Variants in DOCK4 observed in about 807,000 individuals in gnomAD.
DOCK4 encodes the protein dedicator of cytokinesis protein 4.
Under a neutral mutation model 268.1 loss-of-function variants are expected in DOCK4, and 97 were observed. The ratio of observed to expected loss-of-function variants is 0.36; its 90% CI spans 0.31 to 0.43. DOCK4 has a LOEUF of 0.43. Ranked by LOEUF, DOCK4 falls within the 20% of genes least tolerant of loss-of-function variation. The pLI, the probability that DOCK4 is intolerant of heterozygous loss-of-function variation, is 1.00. For missense variants in DOCK4, 2,145 were observed against 2,455.7 expected, an observed-to-expected ratio of 0.87 and a Z score of 2.67; for synonymous variants, 954 against 887.2, an observed-to-expected ratio of 1.08 and a Z score of -1.34.
intron 1 of DOCK4, among the ~76,000 whole-genome samples, chr7:112,147,791 G>A (rs910138818): frequency 3.9e-5 from 5 of 129,624 alleles, no homozygotes; most frequent in Non-Finnish European, 7.9e-5. Flanking sequence ...AGGAGCAAAC[G>A]TAGATTTTTT....
Position 111,728,534 on chromosome 7 carries a change from G to T in DOCK4, c.5668C>A (p.Pro1890Thr), listed in dbSNP as rs776052600. Residue 1890 changes from proline to threonine, a missense_variant, in exon 53 of 53, where the codon CCG becomes ACG. By Grantham distance (38) the Pro-to-Thr change is conservative. Around this residue, in one of 2 missense-constraint regions of DOCK4, gnomAD observed 547 missense variants for 469.0 expected, o/e 1.17. Coordinates refer to ENST00000428084, the MANE Select transcript of DOCK4 (RefSeq NM_001363540.2). Reference protein sequence around the residue: ...EQSAPLPVPVPVPVPSYGGEE... With the variant: ...EQSAPLPVPVTVPVPSYGGEE... ...CCGCCGTAGCTCGGCACGGGCACCG[G>T]CACTGGCACCGGCAGGGGGGCCGAC... 10 of 1,613,608 alleles carry T rather than the reference G, an allele frequency of 6.2e-6. No individual in the cohort carries two copies. Among genetic ancestry groups the T allele is most frequent in the African/African-American group, 2.7e-5 (2 of 74,938 alleles).
intron 1 of DOCK4, among the ~76,000 whole-genome samples, chr7:112,198,966 G>A (rs979033487): frequency 6.6e-6 from 1 of 152,118 alleles, no homozygotes; most frequent in African/African-American, 2.4e-5. Flanking sequence ...CAGACAACAC[G>A]GCAAGGGACA....
At chr7:111,851,958 C>CTT (rs35969396) in intron 23 of DOCK4, among the ~76,000 whole-genome samples, 1,489 of 124,938 alleles carry the variant, frequency 0.012, 30 homozygotes, top group African/African-American at 0.016. Flanking sequence ...TCTCTCCTTC[C>CTT]TTTTTTTTTT....
chr7:111,872,230 C>CA (rs777278720), intron 19 of DOCK4, 39 bp downstream of exon 19: 9 of 1,444,770 alleles, frequency 6.2e-6, no homozygotes, highest in Admixed American at 2.3e-5. Context: ...GATTGAGAGA[C>CA]AAAACAGTTA....
At chr7:112,111,241 C>T (rs796623229) in intron 1 of DOCK4, among the ~76,000 whole-genome samples, 10 of 152,248 alleles carry the variant, frequency 6.6e-5, no homozygotes, top group African/African-American at 2.4e-4. Flanking sequence ...GAAGAAAAGC[C>T]ATCTCCAGTG....
At chr7:112,184,799 A>T (rs1340054968) in intron 1 of DOCK4, among the ~76,000 whole-genome samples, 1 of 151,732 alleles carries the variant, frequency 6.6e-6, no homozygotes, top group Non-Finnish European at 1.5e-5. Context: ...CCCCCCCCTT[A>T]GAGCTTGCAG....
At chr7:112,090,866 A>T (rs1371213177) in intron 1 of DOCK4, among the ~76,000 whole-genome samples, 1 of 152,158 alleles carries the variant, frequency 6.6e-6, no homozygotes, top group African/African-American at 2.4e-5. Flanking sequence ...GTTCAGGGTA[A>T]TAACGTTATT....
In DOCK4 at chr7:111,788,642, GA is replaced by G. The variant is rs1563505816; in HGVS notation, c.3401+19del. On this transcript the variant is annotated intron_variant, in intron 32 of 52. Transcript: ENST00000428084. ...AAATCCCCCAGAATGGAATCAACTT[GA>G]GATAAACATATTACTCACATACTGT... 6.4e-7 allele frequency: 1 copy of G among 1,559,880 alleles called. No individual in the cohort carries two copies. The highest frequency in any genetic ancestry group is 1.2e-5 in the South Asian group (1 of 85,020).
At chr7:111,877,312 TG>T (rs1341194112) in intron 16 of DOCK4, 126 bp from the exon 17 acceptor site, 3 of 913,530 alleles carry the variant, frequency 3.3e-6, no homozygotes, top group Admixed American at 4.3e-5. Flanking sequence ...AAGTAGAATT[TG>T]GTTTTTAAAT....
intron 1 of DOCK4, among the ~76,000 whole-genome samples, chr7:112,145,925 T>G (rs909222232): frequency 2.6e-5 from 4 of 152,316 alleles, no homozygotes; most frequent in Admixed American, 2.0e-4. Flanking sequence ...TAACTTCGCT[T>G]AAACTGCGTA....
At chr7:111,940,042 T>C (rs774093391) in intron 11 of DOCK4, 68 bp downstream of exon 11, 1 of 1,534,042 alleles carries the variant, frequency 6.5e-7, no homozygotes, top group Non-Finnish European at 9.0e-7. Flanking sequence ...TAAAGTAGCA[T>C]TCGCCCAAGT....
rs139679015 is a variant in DOCK4 at position 112,156,433 on chromosome 7, G to A, written c.37+49669C>T. 7.0e-3 allele frequency among the ~76,000 whole-genome samples: 1,059 copies of A among 152,316 alleles called. 15 individuals carry two copies. Among genetic ancestry groups the A allele is most frequent in the African/African-American group, 0.024 (1,015 of 41,566 alleles). On this transcript the variant is annotated intron_variant, in intron 1 of 52. Coordinates refer to ENST00000428084, the MANE Select transcript of DOCK4 (RefSeq NM_001363540.2). ...AATTTGGTAAAAACTGTATGGAATT[G>A]AAGAATTATAAATTGTATTCATGTT...
intron 30 of DOCK4, among the ~76,000 whole-genome samples, chr7:111,796,001 C>T (rs1799867836): frequency 1.3e-5 from 2 of 152,296 alleles, no homozygotes; most frequent in Admixed American, 6.5e-5. Flanking sequence ...TCTCCTTGCC[C>T]TTGGCCTGTA....
In DOCK4 at chr7:111,728,595, C is replaced by A. The variant is rs747119054; in HGVS notation, c.5607G>T (p.Ser1869=). The change falls in exon 53 of 53, where the codon TCG becomes TCT. Residue 1869 remains serine, a synonymous_variant. Coordinates refer to ENST00000428084, the MANE Select transcript of DOCK4 (RefSeq NM_001363540.2). ...CCTGATTTTCAAAGCCTGAGGTTTCCGACGTGCTGCACCGGCTGAGAGAAG... is the reference window on the plus strand; with the variant it reads ...CCTGATTTTCAAAGCCTGAGGTTTCAGACGTGCTGCACCGGCTGAGAGAAG... The part of the protein sequence containing the change: ...GISSLSRCST[S]ETSGFENQVN... 1 of 1,614,022 alleles carries A rather than the reference C, an allele frequency of 6.2e-7. No individual in the cohort carries two copies. The highest frequency in any genetic ancestry group is 2.2e-5 in the East Asian group (1 of 44,876).
chr7:111,977,574 G>C (rs557555731), intron 7 of DOCK4, among the ~76,000 whole-genome samples: 21 of 152,244 alleles, frequency 1.4e-4, no homozygotes, highest in African/African-American at 4.6e-4. Context: ...AAGGAACCTT[G>C]CTTGAAGAAT....
intron 25 of DOCK4, 134 bp downstream of exon 25, chr7:111,844,629 C>G (rs1205811793): frequency 8.4e-7 from 1 of 1,184,414 alleles, no homozygotes; most frequent in Non-Finnish European, 1.1e-6. Flanking sequence ...TTAAGGTAAC[C>G]TCATATGATT....
At chr7:112,078,554 G>A (rs1396109560) in intron 1 of DOCK4, among the ~76,000 whole-genome samples, 1 of 152,184 alleles carries the variant, frequency 6.6e-6, no homozygotes, top group Non-Finnish European at 1.5e-5. Flanking sequence ...GAATATCAAA[G>A]GAAGGTGATT....
Position 111,787,401 on chromosome 7 carries a change from T to C in DOCK4, c.3401+1261A>G, listed in dbSNP as rs185323944. ...AAGACTGAAGCTGTGTACACTAGAA[T>C]GAATGAGGTCTTGGTGAATAATTAT... On this transcript the variant is annotated intron_variant, in intron 32 of 52. Coordinates refer to ENST00000428084, the MANE Select transcript of DOCK4 (RefSeq NM_001363540.2). 4.7e-4 allele frequency among the ~76,000 whole-genome samples: 71 copies of C among 152,272 alleles called. 1 individual carries two copies. In the East Asian group the frequency reaches 0.011, roughly 24 times the overall value.
Position 111,848,513 on chromosome 7 carries a change from A to G in DOCK4, c.2474-1387T>C, listed in dbSNP as rs531660393. ...AGAGCTTCCCACTCTTGTTTCACAG[A>G]TGCATTCTCTTCTCTCCCTGAGGAA... On this transcript the variant is annotated intron_variant, in intron 23 of 52. Coordinates refer to ENST00000428084, the MANE Select transcript of DOCK4 (RefSeq NM_001363540.2). 2.0e-4 allele frequency among the ~76,000 whole-genome samples: 30 copies of G among 152,264 alleles called. No individual in the cohort carries two copies. The South Asian group carries it at 6.0e-3, about 30-fold the overall frequency.
Sources: gnomAD v4.1 joint callset for allele counts (sites outside exome capture counted in the v4.1 genomes callset) on GRCh38, gnomAD v4.1.1 for gene constraint, gnomAD v4.1.1 regional missense constraint, MANE v1.5 for transcripts, NCBI Gene and HGNC (gene_info 2026-07-23, HGNC 2026-07-21) for gene names.